Variants in DLG2 observed in about 807,000 individuals in gnomAD.
DLG2 encodes the protein discs large MAGUK scaffold protein 2.
Under a neutral mutation model 132.5 loss-of-function variants are expected in DLG2, and 45 were observed. The ratio of observed to expected loss-of-function variants is 0.34; its 90% confidence interval spans 0.27 to 0.44. The LOEUF is 0.44. Ranked by LOEUF, DLG2 falls within the 20% of genes least tolerant of loss-of-function variation. The probability of loss-of-function intolerance (pLI) is 1.00; values close to 1 mark genes in which losing one functional copy is unlikely to be tolerated. For synonymous variants in DLG2, 424 were observed against 419.6 expected, an observed-to-expected ratio of 1.01 and a Z score of -0.13; for missense variants, 1,045 against 1,196.9, an observed-to-expected ratio of 0.87 and a Z score of 1.87.
chr11:84,873,947 G>A (rs2085904422), intron 6 of DLG2, among the ~76,000 whole-genome samples: 1 of 152,138 alleles, frequency 6.6e-6, no homozygotes, highest in African/African-American at 2.4e-5. Flanking sequence ...AAATCTGAAC[G>A]ACATCACCCT....
intron 6 of DLG2, among the ~76,000 whole-genome samples, chr11:84,620,851 A>T (rs541869390): frequency 1.2e-4 from 18 of 152,284 alleles, no homozygotes; most frequent in African/African-American, 3.4e-4. Flanking sequence ...TTCAATCCTA[A>T]GGAAACTTGT....
At chr11:83,852,660 C>G (rs1294666798) in intron 16 of DLG2, among the ~76,000 whole-genome samples, 1 of 152,152 alleles carries the variant, frequency 6.6e-6, no homozygotes, top group Non-Finnish European at 1.5e-5. Context: ...TTCAACTGTT[C>G]TCTTCTCTGG....
chr11:83,547,897 G>A (rs1310002059), intron 19 of DLG2, among the ~76,000 whole-genome samples: 1 of 152,146 alleles, frequency 6.6e-6, no homozygotes, highest in Non-Finnish European at 1.5e-5. Context: ...GAAGTGGACA[G>A]AGGCTAGAAG....
chr11:84,914,594 A>G (rs2092335984), intron 6 of DLG2, among the ~76,000 whole-genome samples: 1 of 152,198 alleles, frequency 6.6e-6, no homozygotes, highest in Non-Finnish European at 1.5e-5. Context: ...AATGAAAGAA[A>G]CTGTGACACA....
rs537635505 is a variant in DLG2, at chr11:84,478,167, C to T, written c.519+56403G>A. The stretch of plus-strand genomic sequence containing the variant: ...GTGCATTGTTCATTATTACAAATTT[C>T]TTAGGAGGCAGCATGTCACAGTGGC... On this transcript the variant is annotated intron_variant, in intron 7 of 27. Coordinates refer to ENST00000376104, the MANE Select transcript of DLG2 (RefSeq NM_001142699.3). 2.3e-3 allele frequency among the ~76,000 whole-genome samples: 348 copies of T among 152,122 alleles called. 2 individuals carry two copies. Among genetic ancestry groups the T allele is most frequent in the African/African-American group, 8.2e-3 (342 of 41,514 alleles).
intron 8 of DLG2, among the ~76,000 whole-genome samples, chr11:84,211,245 C>T (rs1362266364): frequency 3.3e-5 from 5 of 152,126 alleles, no homozygotes; most frequent in Non-Finnish European, 7.4e-5. Flanking sequence ...CTGTATTCCT[C>T]TCTTATGGCA....
chr11:84,777,487 A>C (rs561180885), intron 6 of DLG2, among the ~76,000 whole-genome samples: 9 of 151,344 alleles, frequency 5.9e-5, no homozygotes, highest in African/African-American at 2.2e-4. Flanking sequence ...GCTGTATCTA[A>C]TAGTAGCTGT....
chr11:83,850,443 G>A (rs559274962), intron 16 of DLG2, among the ~76,000 whole-genome samples: 21 of 152,212 alleles, frequency 1.4e-4, no homozygotes, highest in Middle Eastern at 3.4e-3. Context: ...ATGAGCCACC[G>A]CGGCAGCCCG....
chr11:85,523,424 C>A (rs1321353275), intron 3 of DLG2, among the ~76,000 whole-genome samples: 2 of 152,048 alleles, frequency 1.3e-5, no homozygotes, highest in African/African-American at 4.8e-5. Context: ...GGAAAAAGAT[C>A]TAAACAGACA....
At chr11:84,737,804 T>C (rs1328100027) in intron 6 of DLG2, among the ~76,000 whole-genome samples, 1 of 151,976 alleles carries the variant, frequency 6.6e-6, no homozygotes, top group Non-Finnish European at 1.5e-5. Context: ...GTGAAAGTGA[T>C]ACATATTGGG....
intron 11 of DLG2, among the ~76,000 whole-genome samples, chr11:84,047,577 G>A (rs1177517138): frequency 2.0e-5 from 3 of 151,494 alleles, no homozygotes; most frequent in Non-Finnish European, 4.4e-5. Context: ...GGCTTGTTGT[G>A]TGAATGATAA....
At chr11:85,350,282 A>G (rs1368153819) in intron 3 of DLG2, among the ~76,000 whole-genome samples, 2 of 151,850 alleles carry the variant, frequency 1.3e-5, no homozygotes, top group African/African-American at 2.4e-5. Context: ...AAATTTGTTT[A>G]AGTTCTTTGT....
intron 3 of DLG2, among the ~76,000 whole-genome samples, chr11:85,374,291 C>T (rs549606912): frequency 6.6e-6 from 1 of 152,180 alleles, no homozygotes; most frequent in South Asian, 2.1e-4. Context: ...AAGGAATGCA[C>T]TGGTAGTTAT....
chr11:85,219,721 G>A (rs966660067), intron 4 of DLG2, among the ~76,000 whole-genome samples: 1 of 147,814 alleles, frequency 6.8e-6, no homozygotes, highest in Non-Finnish European at 1.5e-5. Context: ...CTCTAATCTA[G>A]TATGACCTCA....
At chr11:83,565,677 T>C (rs1304945699) in intron 19 of DLG2, among the ~76,000 whole-genome samples, 2 of 152,210 alleles carry the variant, frequency 1.3e-5, no homozygotes, top group African/African-American at 4.8e-5. Context: ...GCACTGTCAA[T>C]CTACAAGAAG....
At chr11:85,274,505 A>AC (rs2077761187) in intron 4 of DLG2, among the ~76,000 whole-genome samples, 1 of 152,210 alleles carries the variant, frequency 6.6e-6, no homozygotes, top group Non-Finnish European at 1.5e-5. Flanking sequence ...AAGTTTACAA[A>AC]TAAGACTAAC....
intron 3 of DLG2, among the ~76,000 whole-genome samples, chr11:85,533,382 T>C (rs561705290): frequency 1.3e-4 from 19 of 151,340 alleles, no homozygotes; most frequent in Admixed American, 5.9e-4. Context: ...TTGGTTTTAC[T>C]TGCTTTTTAA....
intron 4 of DLG2, among the ~76,000 whole-genome samples, chr11:85,239,852 G>A (rs756605855): frequency 9.2e-5 from 14 of 151,766 alleles, no homozygotes; most frequent in Non-Finnish European, 1.8e-4. Flanking sequence ...GACATGCTAT[G>A]ACTATTCTTG....
intron 4 of DLG2, among the ~76,000 whole-genome samples, chr11:85,238,454 G>C (rs1565200175): frequency 1.3e-5 from 2 of 151,808 alleles, no homozygotes; most frequent in African/African-American, 2.4e-5. Flanking sequence ...ATGTTAGCCA[G>C]GCTGTTCTCA....
Sources: gnomAD v4.1 joint callset for allele counts (sites outside exome capture counted in the v4.1 genomes callset) on GRCh38, gnomAD v4.1.1 for gene constraint, MANE v1.5 for transcripts, NCBI Gene and HGNC (gene_info 2026-07-23, HGNC 2026-07-21) for gene names.